Variants in QTMAN observed in about 807,000 individuals in gnomAD.
The protein encoded by QTMAN is queuosine-tRNA mannosyltransferase, also known as tRNA-queuosine alpha-mannosyltransferase.
the QTMAN span, among the ~76,000 whole-genome samples, chr2:144,033,881 A>G: frequency 6.6e-6 from 1 of 152,218 alleles, no homozygotes; most frequent in Non-Finnish European, 1.5e-5. Flanking sequence ...CTGTATCAGG[A>G]ACCTGAAGCA....
At chr2:144,182,827 TA>T in the QTMAN span, among the ~76,000 whole-genome samples, 4 of 68,136 alleles carry the variant, frequency 5.9e-5, 1 homozygote, top group African/African-American at 1.9e-4. Flanking sequence ...ATTATATATA[TA>T]ATATATATAT....
chr2:144,215,185 T>C, the QTMAN span, among the ~76,000 whole-genome samples: 1 of 151,744 alleles, frequency 6.6e-6, no homozygotes, highest in African/African-American at 2.4e-5. Context: ...GAAGTTACAG[T>C]GAGCCATGAT....
At chr2:144,026,090 T>A in the QTMAN span, among the ~76,000 whole-genome samples, 1 of 152,190 alleles carries the variant, frequency 6.6e-6, no homozygotes, top group Non-Finnish European at 1.5e-5. Flanking sequence ...AATCTAGGGT[T>A]AGAAGAGGCC....
the QTMAN span, among the ~76,000 whole-genome samples, chr2:144,033,268 A>G: frequency 6.6e-6 from 1 of 152,210 alleles, no homozygotes. Context: ...GCCAAGTCTG[A>G]GCCTTAAATA....
the QTMAN span, among the ~76,000 whole-genome samples, chr2:143,988,954 C>A: frequency 6.6e-6 from 1 of 152,112 alleles, no homozygotes; most frequent in Non-Finnish European, 1.5e-5. Context: ...GGTCACAGTA[C>A]TTGAACATGT....
the QTMAN span, among the ~76,000 whole-genome samples, chr2:144,327,780 G>A: frequency 6.6e-6 from 1 of 152,088 alleles, no homozygotes; most frequent in Admixed American, 6.5e-5. Context: ...AGGTAGGGGA[G>A]ATAGCAAGGA....
At chr2:144,186,958 C>T in the QTMAN span, among the ~76,000 whole-genome samples, 1 of 152,160 alleles carries the variant, frequency 6.6e-6, no homozygotes, top group Non-Finnish European at 1.5e-5. Flanking sequence ...AAAGCCATAA[C>T]TGTGTTAATA....
the QTMAN span, among the ~76,000 whole-genome samples, chr2:144,315,610 T>C: frequency 6.6e-6 from 1 of 152,224 alleles, no homozygotes; most frequent in Non-Finnish European, 1.5e-5. Context: ...AAATCACTTT[T>C]CTGCTCTCTC....
At chr2:143,948,155 A>G in the QTMAN span, among the ~76,000 whole-genome samples, 1 of 152,196 alleles carries the variant, frequency 6.6e-6, no homozygotes, top group Non-Finnish European at 1.5e-5. Flanking sequence ...CTTGAAGGAA[A>G]CAAAGTAGCT....
chr2:144,086,001 T>C, the QTMAN span, among the ~76,000 whole-genome samples: 6 of 152,286 alleles, frequency 3.9e-5, no homozygotes, highest in South Asian at 1.2e-3. Context: ...CCAACATAAT[T>C]TGTGGCTCTA....
the QTMAN span, among the ~76,000 whole-genome samples, chr2:144,019,480 G>GTGTGTGTGTGTA: frequency 7.3e-6 from 1 of 136,514 alleles, no homozygotes; most frequent in Non-Finnish European, 1.6e-5. Flanking sequence ...GTGTGTGTGT[G>GTGTGTGTGTGTA]TGTATGTAGT....
the QTMAN span, among the ~76,000 whole-genome samples, chr2:144,257,810 TACC>T: frequency 1.3e-5 from 2 of 151,902 alleles, no homozygotes; most frequent in Non-Finnish European, 2.9e-5. Flanking sequence ...TACACAGAAC[TACC>T]AAAAACTGGG....
At chr2:144,153,631 C>G in the QTMAN span, among the ~76,000 whole-genome samples, 1 of 152,134 alleles carries the variant, frequency 6.6e-6, no homozygotes, top group African/African-American at 2.4e-5. Context: ...GCACAGCTTG[C>G]AGTGAGCCGA....
chr2:144,275,500 C>CA, the QTMAN span, among the ~76,000 whole-genome samples: 1 of 152,292 alleles, frequency 6.6e-6, no homozygotes, highest in East Asian at 1.9e-4. Flanking sequence ...CCATCAGACT[C>CA]AGACTTTGAC....
the QTMAN span, among the ~76,000 whole-genome samples, chr2:144,121,260 G>A: frequency 4.6e-5 from 7 of 152,082 alleles, no homozygotes; most frequent in South Asian, 2.1e-4. Flanking sequence ...CACTACCCTC[G>A]CACAGTATGC....
chr2:144,289,231 T>C, the QTMAN span, among the ~76,000 whole-genome samples: 867 of 152,214 alleles, frequency 5.7e-3, 4 homozygotes, highest in Admixed American at 0.01. Context: ...GGGGTTTCAC[T>C]GTGTTAGCCA....
the QTMAN span, among the ~76,000 whole-genome samples, chr2:144,314,346 A>C: frequency 6.6e-6 from 1 of 152,228 alleles, no homozygotes; most frequent in Non-Finnish European, 1.5e-5. Flanking sequence ...AGGCTAACCT[A>C]ATCTATGGAA....
chr2:144,138,448 AT>A, the QTMAN span, among the ~76,000 whole-genome samples: 2 of 152,122 alleles, frequency 1.3e-5, no homozygotes, highest in East Asian at 1.9e-4. Context: ...GTAAGAAATA[AT>A]TTTTTTATGT....
chr2:144,222,199 A>C, the QTMAN span, among the ~76,000 whole-genome samples: 1 of 151,902 alleles, frequency 6.6e-6, no homozygotes, highest in African/African-American at 2.4e-5. Context: ...AGCTGGGACA[A>C]CAGGCGCCCG....
Sources: allele counts gnomAD v4.1 joint callset (sites outside exome capture counted in the v4.1 genomes callset), GRCh38; gene constraint gnomAD v4.1.1; transcripts MANE v1.5; gene names NCBI Gene and HGNC (gene_info 2026-07-23, HGNC 2026-07-21).